Variants in GPC6 observed in about 807,000 individuals in gnomAD.
GPC6 encodes the protein glypican 6.
Under a neutral mutation model 55.2 loss-of-function variants are expected in GPC6, and 14 were observed. The observed-to-expected ratio is 0.25, with a 90% CI of 0.17 to 0.40. The LOEUF is 0.40. Among genes scored for constraint, GPC6 ranks in the 10% least tolerant of loss-of-function variants. The pLI, the probability that GPC6 is intolerant of heterozygous loss-of-function variation, is 1.00. For synonymous variants in GPC6, 278 were observed against 259.6 expected (o/e 1.07, Z -0.68); for missense variants, 641 against 708.5 (o/e 0.90, Z 1.08).
chr13:94,352,790 G>C (rs1878615503), intron 6 of GPC6, among the ~76,000 whole-genome samples: 1 of 152,140 alleles, frequency 6.6e-6, no homozygotes, highest in Admixed American at 6.5e-5. Context: ...AGACCCAACT[G>C]ATCTAGCCCA....
chr13:93,288,461 T>C (rs998390467), intron 1 of GPC6, among the ~76,000 whole-genome samples: 4 of 152,182 alleles, frequency 2.6e-5, no homozygotes, highest in African/African-American at 9.6e-5. Flanking sequence ...CTTTCTTTTT[T>C]TTCTTTCTGT....
chr13:94,092,909 C>T (rs1458745180), intron 4 of GPC6, among the ~76,000 whole-genome samples: 2 of 152,044 alleles, frequency 1.3e-5, no homozygotes, highest in Non-Finnish European at 2.9e-5. Context: ...TACCTTTTGA[C>T]CATTTGTATG....
At chr13:94,007,859 T>G (rs1460467441) in intron 3 of GPC6, among the ~76,000 whole-genome samples, 1 of 152,064 alleles carries the variant, frequency 6.6e-6, no homozygotes, top group Non-Finnish European at 1.5e-5. Context: ...TTTCTACATG[T>G]GAATCTAACG....
At chr13:94,154,735 G>A (rs1256006122) in intron 4 of GPC6, among the ~76,000 whole-genome samples, 1 of 152,080 alleles carries the variant, frequency 6.6e-6, no homozygotes, top group Non-Finnish European at 1.5e-5. Flanking sequence ...GAAATAAAAG[G>A]GAAATTTTAA....
chr13:93,805,624 A>G (rs1028729995), intron 2 of GPC6, among the ~76,000 whole-genome samples: 5 of 152,194 alleles, frequency 3.3e-5, no homozygotes, highest in Non-Finnish European at 7.3e-5. Context: ...TAGTTCATAC[A>G]TAGTTTTTAG....
intron 4 of GPC6, among the ~76,000 whole-genome samples, chr13:94,242,790 T>G (rs964774548): frequency 6.6e-6 from 1 of 152,128 alleles, no homozygotes; most frequent in Non-Finnish European, 1.5e-5. Context: ...GAGAAAGAAC[T>G]CTGAAAGAGT....
intron 3 of GPC6, among the ~76,000 whole-genome samples, chr13:93,995,263 G>A (rs1022668023): frequency 1.3e-5 from 2 of 151,660 alleles, no homozygotes; most frequent in Non-Finnish European, 2.9e-5. Context: ...CCTCAGCTCA[G>A]TACAACTTCT....
chr13:94,379,262 G>C (rs2139203886), intron 6 of GPC6, among the ~76,000 whole-genome samples: 1 of 152,306 alleles, frequency 6.6e-6, no homozygotes, highest in East Asian at 1.9e-4. Flanking sequence ...GTGGCTAATA[G>C]TGTCCATTTT....
At chr13:94,030,133 C>G (rs1346825097) in intron 4 of GPC6, among the ~76,000 whole-genome samples, 1 of 151,874 alleles carries the variant, frequency 6.6e-6, no homozygotes, top group African/African-American at 2.4e-5. Context: ...CTCAGCCTCC[C>G]GAGGAGCTGG....
rs78415108 is a variant in GPC6 at position 93,855,115 on chromosome 13, G to A, written c.711+24570G>A. On this transcript the variant is annotated intron_variant, in intron 3 of 8. Coordinates refer to ENST00000377047, the MANE Select transcript of GPC6 (RefSeq NM_005708.5). Reference sequence around the variant, plus strand: ...GGTTTGGACAAACATCTAATAACATGTGTTCACTTTTACAGTATCCTACAG... The same window carrying A: ...GGTTTGGACAAACATCTAATAACATATGTTCACTTTTACAGTATCCTACAG... Among the ~76,000 whole-genome samples, 706 of 151,788 alleles carry A rather than the reference G, an allele frequency of 4.7e-3. 7 individuals carry two copies. The highest frequency in any genetic ancestry group is 0.016 in the African/African-American group (677 of 41,478).
intron 4 of GPC6, among the ~76,000 whole-genome samples, chr13:94,088,543 AGGG>A (rs1885366171): frequency 2.4e-4 from 1 of 4,204 alleles, no homozygotes; most frequent in South Asian, 0.023. Flanking sequence ...AGAAAAAGAG[AGGG>A]AAGGGAAGGG....
chr13:93,295,642 G>A (rs1458301069), intron 1 of GPC6, among the ~76,000 whole-genome samples: 5 of 151,802 alleles, frequency 3.3e-5, no homozygotes, highest in East Asian at 3.9e-4. Flanking sequence ...TACTGCGCTC[G>A]GGTAATTTTT....
At chr13:94,288,937 AGATAGATAG>A in intron 5 of GPC6, among the ~76,000 whole-genome samples, 1 of 115,254 alleles carries the variant, frequency 8.7e-6, no homozygotes, top group East Asian at 2.5e-4. Flanking sequence ...AAATATAGAT[AGATAGATAG>A]ATAGATATAT....
intron 5 of GPC6, among the ~76,000 whole-genome samples, chr13:94,291,988 T>C (rs1875004357): frequency 6.6e-6 from 1 of 152,186 alleles, no homozygotes; most frequent in Non-Finnish European, 1.5e-5. Flanking sequence ...TAGAAGTCAT[T>C]CCCAGAGCCT....
chr13:93,642,463 T>TGC (rs1364472126), intron 2 of GPC6, among the ~76,000 whole-genome samples: 4 of 152,126 alleles, frequency 2.6e-5, no homozygotes, highest in African/African-American at 9.7e-5. Flanking sequence ...TATGTGTGTG[T>TGC]GCTTGTGTCC....
rs183406182 is a variant in GPC6 at position 93,422,977 on chromosome 13, G to T, written c.161-122286G>T. ...TTGTGCTGAAAAGGAAATGTTGGTT[G>T]CTTAGGATGCACATTATTTTAATGC... On this transcript the variant is annotated intron_variant, in intron 1 of 8. Coordinates refer to ENST00000377047, the MANE Select transcript of GPC6 (RefSeq NM_005708.5). 7.2e-5 allele frequency among the ~76,000 whole-genome samples: 11 copies of T among 152,226 alleles called. No individual in the cohort carries two copies. In the East Asian group the frequency reaches 2.1e-3, roughly 29 times the overall value.
chr13:93,663,387 A>G (rs1881003927), intron 2 of GPC6, among the ~76,000 whole-genome samples: 1 of 152,188 alleles, frequency 6.6e-6, no homozygotes, highest in African/African-American at 2.4e-5. Context: ...CTTTTCTCCC[A>G]TAATAAATTC....
At chr13:94,373,730 C>A (rs535531949) in intron 6 of GPC6, among the ~76,000 whole-genome samples, 32 of 152,276 alleles carry the variant, frequency 2.1e-4, no homozygotes, top group Non-Finnish European at 1.5e-4. Flanking sequence ...AAAGATACTC[C>A]TCGAGAAGAG....
At chr13:93,829,893 G>T (rs1344289935) in intron 2 of GPC6, among the ~76,000 whole-genome samples, 1 of 152,152 alleles carries the variant, frequency 6.6e-6, no homozygotes, top group Non-Finnish European at 1.5e-5. Flanking sequence ...TTAAAGAATT[G>T]AGCTATTTTG....
Sources: gnomAD v4.1 joint callset for allele counts (sites outside exome capture counted in the v4.1 genomes callset) on GRCh38, gnomAD v4.1.1 for gene constraint, MANE v1.5 for transcripts, NCBI Gene and HGNC (gene_info 2026-07-23, HGNC 2026-07-21) for gene names.